Variants in CSMD1 observed in about 807,000 individuals in gnomAD.
CSMD1 encodes CUB and sushi domain-containing protein 1.
A neutral mutation model predicts 417.5 loss-of-function variants in CSMD1; 213 were observed. That is an observed-to-expected ratio of 0.51 (90% CI 0.46 to 0.57). CSMD1 has a LOEUF of 0.57. CSMD1 is among the 20% of genes least tolerant of loss of function. CSMD1 has a pLI of 0.00. For missense variants in CSMD1, 6,923 were observed against 4,529.7 expected, an observed-to-expected ratio of 1.53 and a Z score of -15.17; for synonymous variants, 2,862 against 1,736.8, an observed-to-expected ratio of 1.65 and a Z score of -16.11.
At chr8:3,375,473 T>C (rs1177257609) in intron 18 of CSMD1, among the ~76,000 whole-genome samples, 1 of 152,158 alleles carries the variant, frequency 6.6e-6, no homozygotes, top group African/African-American at 2.4e-5. Flanking sequence ...AATGAGTTAC[T>C]TTCCACTTCA....
At chr8:3,533,464 G>A (rs771240254) in intron 10 of CSMD1, among the ~76,000 whole-genome samples, 11 of 152,114 alleles carry the variant, frequency 7.2e-5, no homozygotes, top group African/African-American at 2.7e-4. Flanking sequence ...GATTCCTCAT[G>A]TAAGTGGAAT....
chr8:3,651,321 C>A (rs901282759), intron 7 of CSMD1, among the ~76,000 whole-genome samples: 3 of 152,198 alleles, frequency 2.0e-5, no homozygotes, highest in African/African-American at 7.2e-5. Flanking sequence ...TTCATAAAAC[C>A]AGACAAGATC....
At chr8:4,289,098 CA>C (rs1325558966) in intron 3 of CSMD1, among the ~76,000 whole-genome samples, 6 of 152,102 alleles carry the variant, frequency 3.9e-5, no homozygotes, top group South Asian at 2.1e-4. Flanking sequence ...GGTGTAACAG[CA>C]AAAGAAAAAT....
intron 49 of CSMD1, among the ~76,000 whole-genome samples, chr8:3,053,101 A>G (rs6420210): frequency 0.98 from 149,688 of 152,336 alleles, 73,610 homozygotes; most frequent in Middle Eastern, 1. Context: ...TTTCTAGGGT[A>G]TGGGATAAGT....
chr8:4,344,970 G>T (rs551079313), intron 3 of CSMD1, among the ~76,000 whole-genome samples: 2 of 151,856 alleles, frequency 1.3e-5, no homozygotes, highest in East Asian at 3.9e-4. Context: ...AGGAATTTTC[G>T]GACTGAAGAA....
intron 3 of CSMD1, among the ~76,000 whole-genome samples, chr8:4,054,228 G>A (rs1798577848): frequency 6.6e-6 from 1 of 152,250 alleles, no homozygotes; most frequent in East Asian, 1.9e-4. Context: ...CTCTCTTGTA[G>A]CTGAACATGG....
intron 1 of CSMD1, among the ~76,000 whole-genome samples, chr8:4,723,408 G>T (rs906976621): frequency 6.6e-6 from 1 of 152,106 alleles, no homozygotes; most frequent in Non-Finnish European, 1.5e-5. Flanking sequence ...AACAAAAAGA[G>T]GGTTTAATAC....
chr8:3,297,842 A>C (rs114967542), intron 25 of CSMD1, among the ~76,000 whole-genome samples: 3,375 of 151,520 alleles, frequency 0.022, 131 homozygotes, highest in African/African-American at 0.077. Flanking sequence ...GCTAACCGTA[A>C]AGAAAAAAAA....
chr8:4,264,910 T>A (rs912554552), intron 3 of CSMD1, among the ~76,000 whole-genome samples: 11 of 152,166 alleles, frequency 7.2e-5, no homozygotes, highest in African/African-American at 2.7e-4. Context: ...GGAATTGGGT[T>A]TAAGTCCCAT....
At chr8:4,042,324 A>G (rs1797932693) in intron 3 of CSMD1, among the ~76,000 whole-genome samples, 1 of 152,160 alleles carries the variant, frequency 6.6e-6, no homozygotes, top group Admixed American at 6.5e-5. Context: ...TAGAGAGACA[A>G]AGATAAAGGG....
intron 8 of CSMD1, among the ~76,000 whole-genome samples, chr8:3,594,909 A>G (rs1257254067): frequency 6.6e-6 from 1 of 152,216 alleles, no homozygotes; most frequent in Non-Finnish European, 1.5e-5. Context: ...TAATGTGAGC[A>G]AAAACCAGGA....
At chr8:4,440,389 G>C (rs922901931) in intron 2 of CSMD1, among the ~76,000 whole-genome samples, 2 of 152,024 alleles carry the variant, frequency 1.3e-5, no homozygotes, top group South Asian at 2.1e-4. Flanking sequence ...AGGAGTCAGA[G>C]GATTGCTCTC....
chr8:3,114,337 T>C (rs1816723793), intron 42 of CSMD1, among the ~76,000 whole-genome samples: 1 of 151,982 alleles, frequency 6.6e-6, no homozygotes, highest in Admixed American at 6.6e-5. Context: ...TTTTCTCTAG[T>C]ATTATGTTAA....
intron 2 of CSMD1, among the ~76,000 whole-genome samples, chr8:4,530,358 G>T (rs1796746079): frequency 1.1e-5 from 1 of 88,224 alleles, no homozygotes; most frequent in Non-Finnish European, 2.4e-5. Flanking sequence ...TTCAGTGCTG[G>T]GATACACTTG....
At position 3,358,579 on chromosome 8, in the gene CSMD1, G is replaced by A. The variant is rs555700045; in HGVS notation, c.3304+573C>T. ...GCCTAGTACTTCATGGCAAAGTACC[G>A]AAATAAAAATTCCTGTTACTCTTCG... On this transcript the variant is annotated intron_variant, in intron 21 of 69. Coordinates refer to ENST00000635120, the MANE Select transcript of CSMD1 (RefSeq NM_033225.6). Among the ~76,000 whole-genome samples, 25 of 152,216 alleles carry A rather than the reference G, an allele frequency of 1.6e-4. No homozygotes were observed. The South Asian group carries it at 4.8e-3, about 29-fold the overall frequency.
intron 3 of CSMD1, among the ~76,000 whole-genome samples, chr8:4,189,739 T>C (rs1338469284): frequency 1.3e-5 from 2 of 152,208 alleles, no homozygotes; most frequent in Admixed American, 6.5e-5. Flanking sequence ...CTTTTGACAT[T>C]AGAAATCTTG....
At chr8:3,819,206 A>C (rs1801572917) in intron 5 of CSMD1, among the ~76,000 whole-genome samples, 1 of 152,134 alleles carries the variant, frequency 6.6e-6, no homozygotes, top group Non-Finnish European at 1.5e-5. Context: ...TCCCAGGCTA[A>C]CACTATGGAC....
chr8:3,149,046 T>G (rs1819025551), intron 40 of CSMD1, among the ~76,000 whole-genome samples: 1 of 152,206 alleles, frequency 6.6e-6, no homozygotes, highest in African/African-American at 2.4e-5. Context: ...TTTTTAAGAT[T>G]TACATCAGTT....
chr8:4,841,198 A>G (rs1800817795), intron 1 of CSMD1, among the ~76,000 whole-genome samples: 1 of 152,260 alleles, frequency 6.6e-6, no homozygotes, highest in South Asian at 2.1e-4. Context: ...CAAATATTAT[A>G]CATTATGTTG....
Sources: allele counts gnomAD v4.1 joint callset (sites outside exome capture counted in the v4.1 genomes callset), GRCh38; gene constraint gnomAD v4.1.1; transcripts MANE v1.5; gene names NCBI Gene and HGNC (gene_info 2026-07-23, HGNC 2026-07-21).